The following DAPK1 variants were observed in gnomAD, a reference collection of about 807,000 sequenced individuals.
The protein encoded by DAPK1 is death-associated protein kinase 1.
Under a neutral mutation model 144.9 loss-of-function variants are expected in DAPK1, and 56 were observed. That is an observed-to-expected ratio of 0.39 (90% confidence interval 0.31 to 0.48). The LOEUF is 0.48. DAPK1 is among the 20% of genes least tolerant of loss of function. DAPK1 has a pLI of 0.95. For missense variants in DAPK1, 1,454 were observed against 1,875.4 expected (o/e 0.78, Z 4.15); for synonymous variants, 690 against 749.0 (o/e 0.92, Z 1.29).
intron 19 of DAPK1, among the ~76,000 whole-genome samples, chr9:87,674,425 G>C (rs974751378): frequency 6.9e-5 from 10 of 144,436 alleles, no homozygotes; most frequent in Non-Finnish European, 1.5e-4. Flanking sequence ...TGAGGCAGTA[G>C]AATCGCTTGA....
chr9:87,676,009 C>T (rs1295809111), intron 19 of DAPK1, among the ~76,000 whole-genome samples: 2 of 152,126 alleles, frequency 1.3e-5, no homozygotes, highest in Admixed American at 1.3e-4. Flanking sequence ...GTCTTGCCCA[C>T]ACCCTGGATG....
At chr9:87,619,600 G>A (rs1472167578) in intron 3 of DAPK1, among the ~76,000 whole-genome samples, 2 of 152,204 alleles carry the variant, frequency 1.3e-5, no homozygotes, top group Non-Finnish European at 2.9e-5. Context: ...TCATGAGAAC[G>A]GGGCAGTTTG....
intron 19 of DAPK1, chr9:87,668,907 C>G (rs1443857194): frequency 2.0e-6 from 1 of 494,118 alleles, no homozygotes; most frequent in African/African-American, 1.9e-5. Flanking sequence ...AGTTGCCGTG[C>G]CTGGTTTTCC....
chr9:87,599,690 C>T lies in DAPK1; in HGVS notation c.63-5264C>T, dbSNP rs1048592709. ...ACAGACTGTTCTGTCAGTTATTAAA[C>T]GATGGAAAATTTTAGTGCATTTTTT... On this transcript the variant is annotated intron_variant, in intron 2 of 25. Transcript: ENST00000408954. Among the ~76,000 whole-genome samples the T allele has an allele frequency of 4.6e-5, 7 of 152,044 alleles. No individual in the cohort carries two copies. The East Asian group carries it at 5.8e-4, about 13-fold the overall frequency.
intron 10 of DAPK1, among the ~76,000 whole-genome samples, chr9:87,642,998 C>T (rs1228403845): frequency 2.0e-5 from 3 of 152,088 alleles, no homozygotes; most frequent in Non-Finnish European, 4.4e-5. Context: ...GAGCAAGGCC[C>T]CTGCAGTCTG....
rs1830450325 is a variant in DAPK1, at chr9:87,651,742, G to A, written c.1824+18G>A. On this transcript the variant is annotated intron_variant, in intron 17 of 25. Transcript: ENST00000408954. ...CCAACAAGGTATGCACAGAGAACAGGATCCCTACAGCTTCCAACTGTGTCC... is the reference window on the plus strand; with the variant it reads ...CCAACAAGGTATGCACAGAGAACAGAATCCCTACAGCTTCCAACTGTGTCC... 1 of 1,609,810 alleles carries A rather than the reference G, an allele frequency of 6.2e-7. No individual in the cohort carries two copies. Among genetic ancestry groups the A allele is most frequent in the Admixed American group, 1.7e-5 (1 of 59,730 alleles).
chr9:87,554,965 G>A (rs1401638363), intron 2 of DAPK1, among the ~76,000 whole-genome samples: 1 of 152,206 alleles, frequency 6.6e-6, no homozygotes, highest in Admixed American at 6.5e-5. Flanking sequence ...GAGGCCCCTT[G>A]ATCTCTGGAG....
At chr9:87,613,306 C>T (rs986897719) in intron 3 of DAPK1, among the ~76,000 whole-genome samples, 1 of 152,176 alleles carries the variant, frequency 6.6e-6, no homozygotes, top group Admixed American at 6.5e-5. Context: ...CAACAGATTT[C>T]TAGAACCTTT....
chr9:87,577,778 CAG>C (rs1423428133), intron 2 of DAPK1, among the ~76,000 whole-genome samples: 1 of 152,122 alleles, frequency 6.6e-6, no homozygotes, highest in Non-Finnish European at 1.5e-5. Flanking sequence ...AGTGTGGTGA[CAG>C]AGCGAGACTC....
intron 2 of DAPK1, among the ~76,000 whole-genome samples, chr9:87,520,751 T>TTG (rs1825265952): frequency 6.6e-6 from 1 of 152,206 alleles, no homozygotes; most frequent in African/African-American, 2.4e-5. Context: ...ATTGAAATGT[T>TTG]TGTGTGTGTA....
chr9:87,607,475 C>T (rs1246301470), intron 3 of DAPK1, among the ~76,000 whole-genome samples: 1 of 152,190 alleles, frequency 6.6e-6, no homozygotes, highest in African/African-American at 2.4e-5. Flanking sequence ...TCTTGTGCCT[C>T]TCTGCGTGTA....
At chr9:87,511,384 G>A (rs899769456) in intron 2 of DAPK1, among the ~76,000 whole-genome samples, 1 of 152,158 alleles carries the variant, frequency 6.6e-6, no homozygotes, top group African/African-American at 2.4e-5. Flanking sequence ...GAGCTTCAAG[G>A]GATACCCTTT....
At chr9:87,606,538 C>G (rs1323076123) in intron 3 of DAPK1, among the ~76,000 whole-genome samples, 2 of 114,128 alleles carry the variant, frequency 1.8e-5, no homozygotes, top group African/African-American at 7.2e-5. Context: ...TCCTTCCCCC[C>G]TCCCTCCCTC....
chr9:87,640,602 A>G (rs187023718), intron 8 of DAPK1, 152 bp downstream of exon 8: 46 of 1,028,562 alleles, frequency 4.5e-5, no homozygotes, highest in Non-Finnish European at 5.7e-5. Context: ...AGAAAATGCA[A>G]GCAGGGCCCT....
rs757433009 is a variant in DAPK1 at position 87,655,357 on chromosome 9, AT to A, written c.1825-2661del. On this transcript the variant is annotated intron_variant, in intron 17 of 25. Coordinates refer to ENST00000408954, the MANE Select transcript of DAPK1 (RefSeq NM_004938.4). ...GGGTTGCTGTCAGGCTTGTTTTGCT[AT>A]TTTTTTTTTTAAAGGAAAGGTGATG... Among the ~76,000 whole-genome samples the A allele has an allele frequency of 8.1e-3, 1,184 of 146,488 alleles. 8 individuals carry two copies. The highest frequency in any genetic ancestry group is 0.025 in the African/African-American group (997 of 40,180).
chr9:87,548,752 T>C (rs2118537277), intron 2 of DAPK1, among the ~76,000 whole-genome samples: 1 of 152,140 alleles, frequency 6.6e-6, no homozygotes, highest in Non-Finnish European at 1.5e-5. Context: ...GCACTGAAGA[T>C]TTGCGCTGCA....
intron 2 of DAPK1, among the ~76,000 whole-genome samples, chr9:87,559,098 C>CT (rs1401514964): frequency 6.6e-6 from 1 of 152,166 alleles, no homozygotes; most frequent in Admixed American, 6.5e-5. Flanking sequence ...TTCGTAGAGC[C>CT]TGTACTCTGA....
chr9:87,525,550 A>G, intron 2 of DAPK1: 1 of 965,708 alleles, frequency 1.0e-6, no homozygotes, highest in South Asian at 1.4e-5. Flanking sequence ...ACATAAAATA[A>G]ACATTTGAAA....
At chr9:87,671,906 C>T (rs1474831909) in intron 19 of DAPK1, among the ~76,000 whole-genome samples, 1 of 152,156 alleles carries the variant, frequency 6.6e-6, no homozygotes. Flanking sequence ...TATGTAGAAG[C>T]AAAGTACAGA....
Sources: allele counts gnomAD v4.1 joint callset (sites outside exome capture counted in the v4.1 genomes callset), GRCh38; gene constraint gnomAD v4.1.1; transcripts MANE v1.5; gene names NCBI Gene and HGNC (gene_info 2026-07-23, HGNC 2026-07-21).